Variants in UBA5 observed in about 807,000 individuals in gnomAD.
UBA5 encodes ubiquitin like modifier activating enzyme 5.
A neutral mutation model predicts 52.9 loss-of-function variants in UBA5; 28 were observed. The ratio of observed to expected loss-of-function variants is 0.53; its 90% CI spans 0.39 to 0.73. The LOEUF is 0.73. Among genes scored for constraint, UBA5 ranks in the 30% least tolerant of loss-of-function variants. The probability of loss-of-function intolerance (pLI) is 0.00; values close to 1 mark genes in which losing one functional copy is unlikely to be tolerated. For missense variants in UBA5, 388 were observed against 492.7 expected (o/e 0.79, Z 2.01); for synonymous variants, 135 against 162.1 (o/e 0.83, Z 1.27).
rs1432288398 is a variant in UBA5 at position 132,669,526 on chromosome 3, C to T, written c.407+599C>T. Among the ~76,000 whole-genome samples the T allele has an allele frequency of 3.3e-5, 5 of 152,160 alleles. 1 individual carries two copies. The highest frequency in any genetic ancestry group is 3.3e-4 in the Admixed American group (5 of 15,278). On this transcript the variant is annotated intron_variant, in intron 4 of 11. Transcript: ENST00000356232. ...TCAAGCCATCTGCCCACCTAGCCCT[C>T]CCAAAGTGCTAGCATTGCAGGCATG...
At chr3:132,669,249 C>A (rs982158632) in intron 4 of UBA5, among the ~76,000 whole-genome samples, 1 of 152,066 alleles carries the variant, frequency 6.6e-6, no homozygotes, top group East Asian at 1.9e-4. Context: ...GAATTTCATA[C>A]AATTTTTAAT....
In UBA5 at chr3:132,679,489, G is replaced by T. The variant is rs1244709479; in HGVS notation, c.*2963G>T. On this transcript the variant is annotated 3_prime_UTR_variant, in exon 12 of 12. Transcript: ENST00000356232. Reference sequence around the variant, plus strand: ...ATTCTACATGAGAACGTTTGGGTTGGTAGTAAAATAAATAGTAATATCAAA... The same window carrying T: ...ATTCTACATGAGAACGTTTGGGTTGTTAGTAAAATAAATAGTAATATCAAA... Among the ~76,000 whole-genome samples, 2 of 152,062 alleles carry T rather than the reference G, an allele frequency of 1.3e-5. No individual in the cohort carries two copies. The highest frequency in any genetic ancestry group is 2.9e-5 in the Non-Finnish European group (2 of 68,010).
chr3:132,675,213 A>T (rs1938784302), intron 8 of UBA5, 35 bp from the exon 9 acceptor site: 2 of 1,470,640 alleles, frequency 1.4e-6, no homozygotes, highest in Non-Finnish European at 9.3e-7. Context: ...TCATGTTTTA[A>T]ATTTCTTTAT....
rs376891080 is a variant in UBA5 at position 132,660,558 on chromosome 3, C to T, written c.21C>T (p.Arg7=). The T allele has an allele frequency of 1.4e-5, 22 of 1,549,764 alleles. No homozygotes were observed. In the African/African-American group the frequency reaches 2.9e-4, roughly 20 times the overall value. MAESVE[R]LQQRVQELER... is the part of the protein sequence containing the mutation. ...CAGCCATGGCGGAGTCTGTGGAGCG[C>T]CTGCAGCAGCGGGTCCAGGAGCTGG... The change falls in exon 1 of 12, where the codon CGC becomes CGT. Residue 7 remains arginine, a synonymous_variant. Coordinates refer to ENST00000356232, the MANE Select transcript of UBA5 (RefSeq NM_024818.6). This position sits in a 1 kb window ranked among gnomAD's most constrained non-coding sequence, Gnocchi z 4.1.
Position 132,672,175 on chromosome 3 carries a change from A to G in UBA5, c.810A>G (p.Leu270=), listed in dbSNP as rs751277286. Residue 270 remains leucine (L), a splice_region_variant and synonymous_variant, in exon 8 of 12, where the codon TTA becomes TTG. Transcript: ENST00000356232. ...CTGGGATCTTAGTACAAAACGTGTT[A>G]AAGTAAGTCAGGGCTAATTTTTCTG... ...VVAGILVQNV[L]KFLLNFGTVS... The G allele has an allele frequency of 1.9e-6, 3 of 1,613,060 alleles. No individual in the cohort carries two copies. Among genetic ancestry groups the G allele is most frequent in the South Asian group, 2.2e-5 (2 of 90,716 alleles).
chr3:132,668,026 A>G (rs751124459), intron 3 of UBA5: 18 of 151,812 alleles, frequency 1.2e-4, no homozygotes, highest in Non-Finnish European at 2.2e-4. Flanking sequence ...AGAAAATCCC[A>G]TTTTTGTTTT....
Position 132,676,609 on chromosome 3 carries a change from A to G in UBA5, c.*83A>G. 1 of 947,552 alleles carries G rather than the reference A, an allele frequency of 1.1e-6. No homozygotes were observed. The highest frequency in any genetic ancestry group is 1.6e-6 in the Non-Finnish European group (1 of 615,322). 58.7% of individuals were successfully genotyped at this position (947,552 alleles called of 1,614,324 possible). ...AAAAAAATTTTAACTGATAAAACTT[A>G]GGGCAACATTAATTAATGTATATTC... On this transcript the variant is annotated 3_prime_UTR_variant, in exon 12 of 12. Transcript: ENST00000356232. This position sits in a 1 kb window ranked among gnomAD's most constrained non-coding sequence, Gnocchi z 4.1.
intron 7 of UBA5, 55 bp downstream of exon 7, chr3:132,671,936 G>A: frequency 1.3e-5 from 20 of 1,598,772 alleles, no homozygotes; most frequent in Non-Finnish European, 1.7e-5. Flanking sequence ...GAGTTCTTAG[G>A]GGCATTGAAA....
chr3:132,673,152 T>C (rs531954892), intron 8 of UBA5, among the ~76,000 whole-genome samples: 1 of 152,272 alleles, frequency 6.6e-6, no homozygotes, highest in Non-Finnish European at 1.5e-5. Flanking sequence ...GTAGGCCCTG[T>C]CTAAACAAAA....
In UBA5 at chr3:132,660,914, G is replaced by GTGCT; in HGVS notation, c.161+217_161+220dup. 1 of 1,483,824 alleles carries GTGCT rather than the reference G, an allele frequency of 6.7e-7. No homozygotes were observed. Among genetic ancestry groups the GTGCT allele is most frequent in the Non-Finnish European group, 8.9e-7 (1 of 1,119,602 alleles). 91.9% of individuals were successfully genotyped at this position (1,483,824 alleles called of 1,614,324 possible). The stretch of plus-strand genomic sequence containing the variant: ...AAACCTCCAGTGAGTCAGCCATATG[G>GTGCT]TGCTGCTCCTGTGCCTGCTGAGGAC... On this transcript the variant is annotated intron_variant, in intron 1 of 11. Transcript: ENST00000356232. The surrounding 1 kb of genome is among the most constrained non-coding windows in gnomAD (Gnocchi z 4.1).
rs1024655974 is a variant in UBA5 at position 132,677,849 on chromosome 3, G to T, written c.*1323G>T. 27 of 152,138 alleles carry T rather than the reference G, an allele frequency of 1.8e-4. No individual in the cohort carries two copies. The highest frequency in any genetic ancestry group is 6.5e-4 in the African/African-American group (27 of 41,420). The allele number at this position is 152,138 out of a possible 1,614,324, so 9.4% of individuals were successfully genotyped here. A position where few individuals can be genotyped will look rare whatever the true frequency, so the allele number is the denominator to read the frequency against. On this transcript the variant is annotated 3_prime_UTR_variant, in exon 12 of 12. Coordinates refer to ENST00000356232, the MANE Select transcript of UBA5 (RefSeq NM_024818.6). ...GCTAGGATTATACTGTGATTCTTAT[G>T]TTTATAGTAAAGTCTGGAAAGCAGA...
At position 132,669,063 on chromosome 3, in the gene UBA5, T is replaced by C. The variant is rs1576645597; in HGVS notation, c.407+136T>C. The C allele has an allele frequency of 1.2e-5, 7 of 601,690 alleles. No homozygotes were observed. In the East Asian group the frequency reaches 2.2e-4, roughly 19 times the overall value. 37.3% of individuals were successfully genotyped at this position (601,690 alleles called of 1,614,324 possible). A position where few individuals can be genotyped will look rare whatever the true frequency, so the allele number is the denominator to read the frequency against. On this transcript the variant is annotated intron_variant, in intron 4 of 11. Coordinates refer to ENST00000356232, the MANE Select transcript of UBA5 (RefSeq NM_024818.6). ...TTGTACAAAGAATTCTCTTACCTGT[T>C]GGACATGGGTTGGCAAACTTTTTAT...
intron 4 of UBA5, among the ~76,000 whole-genome samples, chr3:132,669,784 C>T (rs779566025): frequency 8.5e-5 from 13 of 152,150 alleles, no homozygotes; most frequent in Non-Finnish European, 1.9e-4. Context: ...TAGGTAGTTA[C>T]TGGACATGGT....
At chr3:132,662,737 T>C (rs1938219321) in intron 1 of UBA5, among the ~76,000 whole-genome samples, 1 of 152,182 alleles carries the variant, frequency 6.6e-6, no homozygotes, top group South Asian at 2.1e-4. Flanking sequence ...GTGGAAAAAT[T>C]GGAGAGGCTT....
At chr3:132,669,334 C>T (rs1404896185) in intron 4 of UBA5, among the ~76,000 whole-genome samples, 1 of 152,076 alleles carries the variant, frequency 6.6e-6, no homozygotes, top group Admixed American at 6.5e-5. Context: ...GTGACACAAT[C>T]TCGGCTCACT....
At chr3:132,671,487 TC>T (rs1318198101) in intron 6 of UBA5, among the ~76,000 whole-genome samples, 1 of 152,168 alleles carries the variant, frequency 6.6e-6, no homozygotes, top group Admixed American at 6.5e-5. Context: ...TTTTTTTTGT[TC>T]CTGCAATGAT....
chr3:132,660,168 G>C (rs1244037186), upstream of UBA5: 1 of 374,178 alleles, frequency 2.7e-6, no homozygotes, highest in Non-Finnish European at 4.8e-6. The surrounding 1 kb of genome is among the most constrained non-coding windows in gnomAD (Gnocchi z 4.1). Context: ...AGAATAAAAA[G>C]ACCCTGTTTC....
intron 3 of UBA5, chr3:132,667,148 A>G (rs1006978044): frequency 5.3e-5 from 8 of 152,216 alleles, no homozygotes; most frequent in Admixed American, 3.3e-4. Context: ...TCCCTGAAGT[A>G]GTAACATCAG....
chr3:132,663,684 T>G (rs993001417), intron 1 of UBA5, among the ~76,000 whole-genome samples: 3 of 152,166 alleles, frequency 2.0e-5, no homozygotes, highest in African/African-American at 7.2e-5. Flanking sequence ...AGTCAAACAG[T>G]TATTGCCTAT....
Sources: allele counts gnomAD v4.1 joint callset (sites outside exome capture counted in the v4.1 genomes callset), GRCh38; gene constraint gnomAD v4.1.1; non-coding constraint Gnocchi (gnomAD v3.1); transcripts MANE v1.5; gene names NCBI Gene and HGNC (gene_info 2026-07-23, HGNC 2026-07-21).